The following ADH7 variants were observed in gnomAD, a reference collection of about 807,000 sequenced individuals.
ADH7 encodes the protein alcohol dehydrogenase 7 (class IV), mu or sigma polypeptide.
Under a neutral mutation model 34.4 loss-of-function variants are expected in ADH7, and 41 were observed. That is an observed-to-expected ratio of 1.19 (90% CI 0.93 to 1.55). The LOEUF (loss-of-function observed/expected upper bound fraction) is 1.55, where lower values mean the gene tolerates loss of function less well. Ranked by LOEUF, ADH7 falls within the 40% of genes most tolerant of loss-of-function variation. The pLI, the probability that ADH7 is intolerant of heterozygous loss-of-function variation, is 0.00. For missense variants in ADH7, 540 were observed against 461.2 expected, an observed-to-expected ratio of 1.17 and a Z score of -1.56; for synonymous variants, 180 against 160.9, an observed-to-expected ratio of 1.12 and a Z score of -0.90.
chr4:99,417,496 T>A (rs1380615908), intron 7 of ADH7, among the ~76,000 whole-genome samples: 2 of 152,162 alleles, frequency 1.3e-5, no homozygotes, highest in Non-Finnish European at 2.9e-5. Flanking sequence ...CTTTATAAAA[T>A]AGCATTCACC....
chr4:99,414,439 T>C (rs1721473828), intron 8 of ADH7, among the ~76,000 whole-genome samples: 1 of 152,170 alleles, frequency 6.6e-6, no homozygotes. Flanking sequence ...TGAGTGAAAG[T>C]CATTTCATCT....
At chr4:99,426,479 T>C (rs926970679) in intron 5 of ADH7, among the ~76,000 whole-genome samples, 11 of 152,058 alleles carry the variant, frequency 7.2e-5, no homozygotes, top group Non-Finnish European at 1.3e-4. Context: ...ATAAATTCCT[T>C]GACACATACA....
In ADH7 at chr4:99,428,510, C is replaced by T. The variant is rs772788636; in HGVS notation, c.241G>A (p.Val81Met). 21 of 1,613,468 alleles carry T rather than the reference C, an allele frequency of 1.3e-5. No individual in the cohort carries two copies. Among genetic ancestry groups the T allele is most frequent in the Admixed American group, 1.7e-5 (1 of 59,920 alleles). The change falls in exon 3 of 9, where the codon GTG (valine) becomes ATG (methionine). Residue 81 changes from valine (V) to methionine (M), a missense_variant. Val to Met is a conservative substitution (Grantham distance 21). Coordinates refer to ENST00000437033, the MANE Select transcript of ADH7 (RefSeq NM_000673.7). ...CATATACCTGGTTTCACTGTAGTCA[C>T]TCCTTCTCCAATGCTCTCTACAATC... is the stretch of plus-strand genomic sequence containing the variant. Reference protein sequence around the residue: ...TGIVESIGEGVTTVKPGDKVI... With the variant: ...TGIVESIGEGMTTVKPGDKVI...
rs1199451503 is a variant in ADH7 at position 99,428,368 on chromosome 4, T to C, written c.259+124A>G. On this transcript the variant is annotated intron_variant, in intron 3 of 8. Coordinates refer to ENST00000437033, the MANE Select transcript of ADH7 (RefSeq NM_000673.7). ...CATTACTCAGTAAAATCCATTCTTGTATCCTTTTAATTCCCTGAATTGTGT... is the reference window on the plus strand; with the variant it reads ...CATTACTCAGTAAAATCCATTCTTGCATCCTTTTAATTCCCTGAATTGTGT... 2.2e-6 allele frequency: 3 copies of C among 1,343,188 alleles called. No individual in the cohort carries two copies. In the Admixed American group the frequency reaches 6.6e-5, roughly 29 times the overall value. 83.2% of individuals were successfully genotyped at this position (1,343,188 alleles called of 1,614,324 possible). A position where few individuals can be genotyped will look rare whatever the true frequency, so the allele number is the denominator to read the frequency against.
intron 7 of ADH7, among the ~76,000 whole-genome samples, chr4:99,418,433 GA>G (rs531294390): frequency 2.0e-5 from 3 of 151,900 alleles, no homozygotes; most frequent in East Asian, 1.9e-4. Context: ...GTGAAGGAGG[GA>G]AAAAAAAGGA....
At chr4:99,422,487 AC>A (rs1218092229) in intron 5 of ADH7, among the ~76,000 whole-genome samples, 1 of 151,816 alleles carries the variant, frequency 6.6e-6, no homozygotes, top group African/African-American at 2.4e-5. Context: ...GGAACAACAC[AC>A]ATCAGGGCCT....
At chr4:99,434,574 TAAAA>T (rs573213337) in intron 1 of ADH7, among the ~76,000 whole-genome samples, 1 of 151,128 alleles carries the variant, frequency 6.6e-6, no homozygotes, top group Non-Finnish European at 1.5e-5. Flanking sequence ...TATTTTCAAA[TAAAA>T]AAAAACAAAG....
intron 6 of ADH7, among the ~76,000 whole-genome samples, chr4:99,419,545 G>A (rs994295047): frequency 2.6e-5 from 4 of 152,026 alleles, no homozygotes; most frequent in Non-Finnish European, 5.9e-5. Context: ...GGACAAAAGA[G>A]TCCCTTTTCT....
intron 1 of ADH7, among the ~76,000 whole-genome samples, chr4:99,431,624 G>A (rs990590027): frequency 6.6e-6 from 1 of 151,940 alleles, no homozygotes; most frequent in East Asian, 1.9e-4. Context: ...AAAATAATAA[G>A]CAAAACACAA....
At chr4:99,427,712 C>G in intron 5 of ADH7, 61 bp downstream of exon 5, 1 of 1,245,900 alleles carries the variant, frequency 8.0e-7, no homozygotes, top group Non-Finnish European at 1.1e-6. Flanking sequence ...TTCAAGATTC[C>G]AAGCAAATCA....
chr4:99,420,627 T>C lies in ADH7; in HGVS notation c.731A>G (p.Lys244Arg), dbSNP rs1560561332. 6.2e-7 allele frequency: 1 copy of C among 1,613,974 alleles called. No individual in the cohort carries two copies. Among genetic ancestry groups the C allele is most frequent in the Non-Finnish European group, 8.5e-7 (1 of 1,179,930 alleles). ...CTCACTGATGGGTTTGGTAGAGTCCTTGGGACTGATACACTCAGTGGCACC... is the reference window on the plus strand; with the variant it reads ...CTCACTGATGGGTTTGGTAGAGTCCCTGGGACTGATACACTCAGTGGCACC... Reference protein sequence around the residue: ...AVGATECISPKDSTKPISEVL... With the variant: ...AVGATECISPRDSTKPISEVL... Residue 244 changes from lysine (K) to arginine (R), a missense_variant, in exon 6 of 9, where the codon AAG becomes AGG. Coordinates refer to ENST00000437033, the MANE Select transcript of ADH7 (RefSeq NM_000673.7).
chr4:99,413,193 T>G (rs1303705523), intron 8 of ADH7, 21 bp from the exon 9 acceptor site: 1 of 1,612,356 alleles, frequency 6.2e-7, no homozygotes, highest in Non-Finnish European at 8.5e-7. Flanking sequence ...AAATGAGAGT[T>G]TTTAATGACT....
At chr4:99,422,355 G>C (rs1197822924) in intron 5 of ADH7, among the ~76,000 whole-genome samples, 1 of 152,206 alleles carries the variant, frequency 6.6e-6, no homozygotes, top group Non-Finnish European at 1.5e-5. Context: ...CCTTTGCAGG[G>C]ACGTGGAAGA....
In ADH7 at chr4:99,427,771, A is replaced by G; in HGVS notation, c.564+2T>C. On this transcript the variant is annotated splice_donor_variant, in intron 5 of 8. Coordinates refer to ENST00000437033, the MANE Select transcript of ADH7 (RefSeq NM_000673.7). LOFTEE classifies it high-confidence loss of function. ...AATAAACTAGCCTACCCTGTTTCTT[A>G]CCTTGCCAGTTTTAACAGCAGCGCC... The G allele has an allele frequency of 1.3e-6, 2 of 1,527,166 alleles. No individual in the cohort carries two copies. The highest frequency in any genetic ancestry group is 2.8e-5 in the African/African-American group (2 of 72,352). 94.6% of individuals were successfully genotyped at this position (1,527,166 alleles called of 1,614,324 possible).
chr4:99,417,308 G>T (rs538033354), intron 7 of ADH7, among the ~76,000 whole-genome samples: 115 of 152,232 alleles, frequency 7.6e-4, no homozygotes, highest in Non-Finnish European at 1.2e-3. Flanking sequence ...AGCTGTGACT[G>T]TTCTTCTGTC....
chr4:99,421,181 C>G (rs746871551), intron 5 of ADH7, among the ~76,000 whole-genome samples: 1 of 152,068 alleles, frequency 6.6e-6, no homozygotes, highest in South Asian at 2.1e-4. Context: ...AAAAAAGAGC[C>G]CATATAGCCA....
intron 8 of ADH7, among the ~76,000 whole-genome samples, chr4:99,415,010 C>G (rs1721484315): frequency 6.6e-6 from 1 of 152,150 alleles, no homozygotes; most frequent in Non-Finnish European, 1.5e-5. Context: ...TCCCTATAAT[C>G]CCTACATGTC....
rs533257508 is a variant in ADH7 at position 99,413,168 on chromosome 4, G to A, written c.1105C>T (p.Arg369Ter). The change falls in exon 9 of 9, where the codon CGA becomes TGA. Residue 369 changes from arginine (R) to a stop codon, truncating the protein, a stop_gained. Transcript: ENST00000437033. LOFTEE classifies it high-confidence loss of function. ...GGATCTCAAAACGTCAGGACCGTTC[G>A]AATGCTGAAATGTAAAATGAGAGTT... Reference protein sequence around the residue: ...FELLNSGQSIRTVLTF With the variant: ...FELLNSGQSI The A allele has an allele frequency of 8.7e-6, 14 of 1,613,302 alleles. No individual in the cohort carries two copies. Among genetic ancestry groups the A allele is most frequent in the African/African-American group, 2.7e-5 (2 of 74,982 alleles).
At chr4:99,424,418 AGTCATTG>A (rs1011589866) in intron 5 of ADH7, among the ~76,000 whole-genome samples, 2 of 152,230 alleles carry the variant, frequency 1.3e-5, no homozygotes, top group Non-Finnish European at 2.9e-5. Context: ...CTGTGAAGAA[AGTCATTG>A]GTAGCTTGAT....
Sources: allele counts gnomAD v4.1 joint callset (sites outside exome capture counted in the v4.1 genomes callset), GRCh38; gene constraint gnomAD v4.1.1; transcripts MANE v1.5; gene names NCBI Gene and HGNC (gene_info 2026-07-23, HGNC 2026-07-21).